NTAN1: variants seen among roughly 807,000 people sequenced by gnomAD.
NTAN1 encodes the protein protein N-terminal asparagine amidohydrolase.
A neutral mutation model predicts 41.9 loss-of-function variants in NTAN1; 32 were observed. The ratio of observed to expected loss-of-function variants is 0.76; its 90% CI spans 0.58 to 1.03. NTAN1 has a LOEUF of 1.03. Ranked by LOEUF, NTAN1 falls within the 50% of genes least tolerant of loss-of-function variation. The pLI is 0.00. For synonymous variants in NTAN1, 140 were observed against 139.5 expected, an observed-to-expected ratio of 1.00 and a Z score of -0.03; for missense variants, 377 against 377.5, an observed-to-expected ratio of 1.00 and a Z score of 0.01.
In NTAN1 at chr16:15,038,650, C is replaced by A. The variant is rs370043410; in HGVS notation, c.677G>T (p.Arg226Leu). 6.2e-7 allele frequency: 1 copy of A among 1,606,014 alleles called. No homozygotes were observed. Among genetic ancestry groups the A allele is most frequent in the Non-Finnish European group, 8.5e-7 (1 of 1,173,534 alleles). The part of the protein sequence containing the change: ...SIYDAETEQL[R>L]IGPYSWTPFP... The stretch of plus-strand genomic sequence containing the variant: ...TGGTGTCCAGGAGTACGGTCCTATA[C>A]GAAGTTGTTCTGTCTCTGCATCATA... The change falls in exon 9 of 10, where the codon CGT becomes CTT. Residue 226 changes from arginine (R) to leucine (L), a missense_variant. Arg to Leu is a moderately radical substitution (Grantham distance 102, BLOSUM62 -2). Transcript: ENST00000287706.
At chr16:15,045,466 CAAA>C (rs1157158611) in intron 4 of NTAN1, 2 of 71,548 alleles carry the variant, frequency 2.8e-5, no homozygotes, top group Non-Finnish European at 5.8e-5. Flanking sequence ...GACTCTGTCT[CAAA>C]AAAAAAAAAA....
Position 15,056,040 on chromosome 16 carries a change from G to GCCGCCCC in NTAN1, c.-76_-70dup, listed in dbSNP as rs2044505378. On this transcript the variant is annotated 5_prime_UTR_variant, in exon 1 of 10. Transcript: ENST00000287706. ...CCCGCTTTGCAGCCCCGGGCCGCCCGCCGCCCCCGCCCCTCGGGCCGCGCG... is the reference window on the plus strand; with the variant it reads ...CCCGCTTTGCAGCCCCGGGCCGCCCGCCGCCCCCCGCCCCCGCCCCTCGGGCCGCGCG... 2 of 677,062 alleles carry GCCGCCCC rather than the reference G, an allele frequency of 3.0e-6. No individual in the cohort carries two copies. Among genetic ancestry groups the GCCGCCCC allele is most frequent in the East Asian group, 7.5e-5 (1 of 13,398 alleles). 41.9% of individuals were successfully genotyped at this position (677,062 alleles called of 1,614,324 possible).
At chr16:15,040,375 T>TG in intron 7 of NTAN1, 1 of 323,526 alleles carries the variant, frequency 3.1e-6, no homozygotes, top group East Asian at 5.7e-5. Flanking sequence ...TCCCTACTGG[T>TG]GTACGGCCAG....
chr16:15,049,586 G>A (rs183887947), intron 1 of NTAN1, among the ~76,000 whole-genome samples: 5 of 152,130 alleles, frequency 3.3e-5, no homozygotes, highest in South Asian at 2.1e-4. Context: ...GCGCCACCAT[G>A]CCCAGCTTTT....
At position 15,055,888 on chromosome 16, in the gene NTAN1, C is replaced by G; in HGVS notation, c.81+3G>C. On this transcript the variant is annotated splice_donor_region_variant and intron_variant, in intron 1 of 9. Coordinates refer to ENST00000287706, the MANE Select transcript of NTAN1 (RefSeq NM_173474.4). Reference sequence around the variant, plus strand: ...CCGAAGCCCCGCGCCGCGCCCCACTCACCTCCAAAGGCGGGTGGGCTCGGA... The same window carrying G: ...CCGAAGCCCCGCGCCGCGCCCCACTGACCTCCAAAGGCGGGTGGGCTCGGA... 8.1e-7 allele frequency: 1 copy of G among 1,227,150 alleles called. No individual in the cohort carries two copies. Among genetic ancestry groups the G allele is most frequent in the Non-Finnish European group, 1.0e-6 (1 of 983,206 alleles). 76.0% of individuals were successfully genotyped at this position (1,227,150 alleles called of 1,614,324 possible).
In NTAN1 at chr16:15,048,336, A is replaced by G. The variant is rs548315592; in HGVS notation, c.82-237T>C. On this transcript the variant is annotated intron_variant, in intron 1 of 9. Transcript: ENST00000287706. ...TTTAACCTATGAAATCGGATGTCAT[A>G]GTAACCTATGAAATGAGATGCAAAA... 1.2e-4 allele frequency among the ~76,000 whole-genome samples: 18 copies of G among 152,346 alleles called. No individual in the cohort carries two copies. The East Asian group carries it at 1.9e-3, about 16-fold the overall frequency.
In NTAN1 at chr16:15,038,090, G is replaced by C. The variant is rs537092982; in HGVS notation, c.874C>G (p.Leu292Val). ...AHTLFSGNKA[L>V]LYKKNEDGLW... ...CCATCTTCATTTTTTTTGTAGAGTA[G>C]GGCTTTATTTCCAGAAAACAGTGTG... Residue 292 changes from leucine to valine, a missense_variant, in exon 10 of 10, where the codon CTA (leucine) becomes GTA (valine). By Grantham distance (32) the Leu-to-Val change is conservative (BLOSUM62 1). Coordinates refer to ENST00000287706, the MANE Select transcript of NTAN1 (RefSeq NM_173474.4). 1.2e-6 allele frequency: 2 copies of C among 1,612,794 alleles called. No homozygotes were observed. The highest frequency in any genetic ancestry group is 3.3e-5 in the Admixed American group (2 of 59,934).
chr16:15,039,184 A>T (rs1323811822), intron 8 of NTAN1, among the ~76,000 whole-genome samples: 1 of 152,240 alleles, frequency 6.6e-6, no homozygotes, highest in African/African-American at 2.4e-5. Context: ...TGCCAATGGC[A>T]GCCTCAGCTT....
intron 5 of NTAN1, among the ~76,000 whole-genome samples, chr16:15,042,803 G>T (rs1387716894): frequency 6.6e-6 from 1 of 151,950 alleles, no homozygotes; most frequent in African/African-American, 2.4e-5. Flanking sequence ...TGTGATCTCA[G>T]CTCACTGCAA....
intron 1 of NTAN1, among the ~76,000 whole-genome samples, chr16:15,051,499 G>A (rs1240382787): frequency 6.6e-6 from 1 of 150,690 alleles, no homozygotes; most frequent in Non-Finnish European, 1.5e-5. Flanking sequence ...GGCATGAGCC[G>A]ACACACCTGG....
At position 15,041,680 on chromosome 16, in the gene NTAN1, T is replaced by C. The variant is rs769478424; in HGVS notation, c.434-4A>G. Reference sequence around the variant, plus strand: ...TCTTCTTGCCTGTCAAATTCACCTATGATGAGAATTTTAAGACCAGAAGTC... The same window carrying C: ...TCTTCTTGCCTGTCAAATTCACCTACGATGAGAATTTTAAGACCAGAAGTC... On this transcript the variant is annotated splice_polypyrimidine_tract_variant and splice_region_variant and intron_variant, in intron 5 of 9. Transcript: ENST00000287706. The C allele has an allele frequency of 1.2e-6, 2 of 1,603,748 alleles. No homozygotes were observed. The highest frequency in any genetic ancestry group is 1.7e-6 in the Non-Finnish European group (2 of 1,170,552).
chr16:15,037,982 C>CAATGGTCTGTCAGGCCAAGAAGGTGCTTT lies in NTAN1; in HGVS notation c.*20_*48dup, dbSNP rs746690423. On this transcript the variant is annotated 3_prime_UTR_variant, in exon 10 of 10. Coordinates refer to ENST00000287706, the MANE Select transcript of NTAN1 (RefSeq NM_173474.4). ...AGATCTGGATTCGTGCCAGCCCCACCAATGGTCTGTCAGGCCAAGAAGGTG... is the reference window on the plus strand; with the variant it reads ...AGATCTGGATTCGTGCCAGCCCCACCAATGGTCTGTCAGGCCAAGAAGGTGCTTTAATGGTCTGTCAGGCCAAGAAGGTG... 6.9e-7 allele frequency: 1 copy of CAATGGTCTGTCAGGCCAAGAAGGTGCTTT among 1,441,472 alleles called. No individual in the cohort carries two copies. The highest frequency in any genetic ancestry group is 1.2e-5 in the South Asian group (1 of 83,032). The allele number at this position is 1,441,472 out of a possible 1,614,324, so 89.3% of individuals were successfully genotyped here. A position where few individuals can be genotyped will look rare whatever the true frequency, so the allele number is the denominator to read the frequency against.
rs780299816 is a variant in NTAN1 at position 15,038,156 on chromosome 16, A to C, written c.808T>G (p.Ser270Ala). The change falls in exon 10 of 10, where the codon TCT becomes GCT. Residue 270 changes from serine to alanine, a missense_variant. Coordinates refer to ENST00000287706, the MANE Select transcript of NTAN1 (RefSeq NM_173474.4). ...EPPHFVEHIRSTLMFLKKHPS... is the reference protein window; with the variant it reads ...EPPHFVEHIRATLMFLKKHPS... ...TGTTTTTTTAAAAACATCAAGGTAG[A>C]TCTAATATGTTCAACAAAGTGGGGT... The C allele has an allele frequency of 1.2e-6, 2 of 1,613,346 alleles. No individual in the cohort carries two copies. The highest frequency in any genetic ancestry group is 3.3e-5 in the Admixed American group (2 of 59,978).
At chr16:15,042,877 C>T (rs543570503) in intron 5 of NTAN1, among the ~76,000 whole-genome samples, 10 of 151,124 alleles carry the variant, frequency 6.6e-5, no homozygotes, top group South Asian at 6.3e-4. Context: ...GGATTACAGG[C>T]GTGCGCCACC....
At chr16:15,055,636 C>T in intron 1 of NTAN1, 1 of 339,320 alleles carries the variant, frequency 2.9e-6, no homozygotes, top group African/African-American at 2.1e-5. Context: ...GCTGTGCGAC[C>T]TTGGGCAAGT....
chr16:15,055,901 G>A lies in NTAN1; in HGVS notation c.71C>T (p.Pro24Leu). The A allele has an allele frequency of 8.1e-7, 1 of 1,230,540 alleles. No individual in the cohort carries two copies. The highest frequency in any genetic ancestry group is 1.0e-6 in the Non-Finnish European group (1 of 985,992). The allele number at this position is 1,230,540 out of a possible 1,614,324, so 76.2% of individuals were successfully genotyped here. A position where few individuals can be genotyped will look rare whatever the true frequency, so the allele number is the denominator to read the frequency against. Residue 24 changes from proline to leucine, a missense_variant, in exon 1 of 10, where the codon CCG becomes CTG. Coordinates refer to ENST00000287706, the MANE Select transcript of NTAN1 (RefSeq NM_173474.4). The stretch of plus-strand genomic sequence containing the variant: ...CCGCGCCCCACTCACCTCCAAAGGC[G>A]GGTGGGCTCGGACGAGGTCCCCGGC... ...QSAGDLVRAHPPLEERARLLR... is the reference protein window; with the variant it reads ...QSAGDLVRAHLPLEERARLLR...
intron 1 of NTAN1, 26 bp from the exon 2 acceptor site, chr16:15,048,125 T>A: frequency 6.8e-7 from 1 of 1,460,174 alleles, no homozygotes; most frequent in Non-Finnish European, 9.5e-7. Context: ...AAAAATAAAA[T>A]AGTGATGTAA....
intron 1 of NTAN1, 125 bp downstream of exon 1, chr16:15,055,766 C>A: frequency 4.2e-6 from 2 of 475,676 alleles, no homozygotes; most frequent in East Asian, 7.5e-5. Flanking sequence ...CGCGAGCCGA[C>A]GGCCGGGGCT....
At chr16:15,053,364 T>C (rs2044369745) in intron 1 of NTAN1, among the ~76,000 whole-genome samples, 1 of 152,232 alleles carries the variant, frequency 6.6e-6, no homozygotes, top group South Asian at 2.1e-4. Context: ...TTATTGTTAT[T>C]ATTTGCTAGT....
Sources: allele counts gnomAD v4.1 joint callset (sites outside exome capture counted in the v4.1 genomes callset), GRCh38; gene constraint gnomAD v4.1.1; transcripts MANE v1.5; gene names NCBI Gene and HGNC (gene_info 2026-07-23, HGNC 2026-07-21).